The following FBRSL1 variants were observed in gnomAD, a reference collection of about 807,000 sequenced individuals.
The protein encoded by FBRSL1 is fibrosin like 1.
In FBRSL1, 51 loss-of-function variants were observed where a neutral mutation model predicts 89.6. That is an observed-to-expected ratio of 0.57 (90% CI 0.45 to 0.72). The LOEUF (loss-of-function observed/expected upper bound fraction) is 0.72. Ranked by LOEUF, FBRSL1 falls within the 30% of genes least tolerant of loss-of-function variation. FBRSL1 has a pLI of 0.00. For synonymous variants in FBRSL1, 779 were observed against 681.1 expected (o/e 1.14, Z -2.24); for missense variants, 1,618 against 1,451.8 (o/e 1.11, Z -1.86).
At chr12:132,573,321 C>G (rs1305570391) in intron 11 of FBRSL1, among the ~76,000 whole-genome samples, 1 of 152,202 alleles carries the variant, frequency 6.6e-6, no homozygotes. Flanking sequence ...CTGAAGGGCC[C>G]AGCACGCACC....
intron 5 of FBRSL1, among the ~76,000 whole-genome samples, chr12:132,556,983 G>A (rs1007505387): frequency 1.3e-5 from 2 of 152,204 alleles, no homozygotes; most frequent in African/African-American, 4.8e-5. Flanking sequence ...TGGCCCCAGC[G>A]CTCGGCTAAC....
intron 4 of FBRSL1, among the ~76,000 whole-genome samples, chr12:132,547,159 ACAGT>A (rs1353613795): frequency 1.3e-5 from 2 of 151,480 alleles, no homozygotes; most frequent in Admixed American, 6.6e-5. Flanking sequence ...CGGAGAACGG[ACAGT>A]CAGTGTGTTC....
At chr12:132,567,774 G>A (rs543004566) in intron 6 of FBRSL1, among the ~76,000 whole-genome samples, 252 of 152,282 alleles carry the variant, frequency 1.7e-3, no homozygotes, top group African/African-American at 5.8e-3. Context: ...GAGTGGAACC[G>A]TTAGGAATGT....
chr12:132,497,452 C>A (rs900893810), intron 1 of FBRSL1, among the ~76,000 whole-genome samples: 3 of 152,094 alleles, frequency 2.0e-5, no homozygotes, highest in Non-Finnish European at 4.4e-5. Flanking sequence ...ACGGGAGGAG[C>A]CCAGCCCACC....
chr12:132,549,112 C>T (rs1037749898), intron 5 of FBRSL1, among the ~76,000 whole-genome samples: 4 of 152,096 alleles, frequency 2.6e-5, no homozygotes, highest in African/African-American at 4.8e-5. Context: ...GTTCAGTTTT[C>T]GACGTACCAA....
chr12:132,575,043 G>C (rs2040291715), intron 14 of FBRSL1, among the ~76,000 whole-genome samples: 1 of 152,062 alleles, frequency 6.6e-6, no homozygotes, highest in Non-Finnish European at 1.5e-5. Flanking sequence ...CACCAGGCTA[G>C]GAGCTGCGGG....
intron 1 of FBRSL1, chr12:132,507,201 G>A (rs563750912): frequency 2.0e-6 from 2 of 985,616 alleles, no homozygotes; most frequent in African/African-American, 1.7e-5. Flanking sequence ...CTTGGCAGCA[G>A]CTCTGACATG....
At chr12:132,528,013 C>T in intron 4 of FBRSL1, 25 bp downstream of exon 4, 1 of 1,550,376 alleles carries the variant, frequency 6.5e-7, no homozygotes, top group Non-Finnish European at 8.7e-7. Context: ...ACCCCTCCTC[C>T]ATCTTTGTCC....
At chr12:132,559,536 C>T (rs2038936534) in intron 5 of FBRSL1, among the ~76,000 whole-genome samples, 1 of 152,002 alleles carries the variant, frequency 6.6e-6, no homozygotes, top group Admixed American at 6.6e-5. Context: ...GGGCCACAGG[C>T]GCGTGCCGCC....
At chr12:132,544,158 G>A (rs1167141298) in intron 4 of FBRSL1, among the ~76,000 whole-genome samples, 1 of 152,188 alleles carries the variant, frequency 6.6e-6, no homozygotes, top group Non-Finnish European at 1.5e-5. Context: ...TGGTCTAGGG[G>A]CCCCGAGCCT....
intron 9 of FBRSL1, chr12:132,572,060 C>A (rs2040058053): frequency 3.5e-6 from 2 of 567,500 alleles, no homozygotes; most frequent in East Asian, 2.9e-5. Context: ...CGAGTTCCCA[C>A]CCCATGCAAG....
intron 5 of FBRSL1, among the ~76,000 whole-genome samples, chr12:132,549,613 G>A (rs932936044): frequency 3.3e-5 from 5 of 152,322 alleles, no homozygotes; most frequent in Admixed American, 1.3e-4. Flanking sequence ...CGGGAGCCTG[G>A]GGCCTACTGG....
rs2033892008 is a variant in FBRSL1 at position 132,508,003 on chromosome 12, C to T, written c.292-150C>T. On this transcript the variant is annotated intron_variant, in intron 1 of 18. Transcript: ENST00000680143. Reference sequence around the variant, plus strand: ...TGCCATCGTCCTTCCCCTCCCATCCCCCGTCCCACAGCAGCCATCTTCCTT... The same window carrying T: ...TGCCATCGTCCTTCCCCTCCCATCCTCCGTCCCACAGCAGCCATCTTCCTT... The T allele has an allele frequency of 1.1e-5, 8 of 758,002 alleles. No individual in the cohort carries two copies. In the South Asian group the frequency reaches 1.3e-4, roughly 12 times the overall value. The allele number at this position is 758,002 out of a possible 1,614,324, so 47.0% of individuals were successfully genotyped here. A position where few individuals can be genotyped will look rare whatever the true frequency, so the allele number is the denominator to read the frequency against.
chr12:132,522,491 G>A lies in FBRSL1; in HGVS notation c.490-3243G>A, dbSNP rs552203220. Among the ~76,000 whole-genome samples, 8 of 152,322 alleles carry A rather than the reference G, an allele frequency of 5.3e-5. No individual in the cohort carries two copies. The South Asian group carries it at 1.0e-3, about 20-fold the overall frequency. On this transcript the variant is annotated intron_variant, in intron 2 of 18. Transcript: ENST00000680143. ...CTGGTCCCACCAGCGGCTGGTCTGC[G>A]GCTGCCCAGTGGAGTGCAGCTTGTA...
chr12:132,574,702 T>G, intron 14 of FBRSL1, 138 bp downstream of exon 14: 1 of 1,124,846 alleles, frequency 8.9e-7, no homozygotes, highest in Non-Finnish European at 1.2e-6. Context: ...CGCCTGCCCC[T>G]TCCTCTGGGT....
chr12:132,509,839 G>A (rs1401233004), intron 2 of FBRSL1: 11 of 1,231,764 alleles, frequency 8.9e-6, no homozygotes, highest in African/African-American at 4.7e-5. Context: ...CAGCCCCCGC[G>A]GCCACTCCTC....
intron 5 of FBRSL1, among the ~76,000 whole-genome samples, chr12:132,549,193 C>T (rs1187685334): frequency 6.6e-6 from 1 of 152,208 alleles, no homozygotes; most frequent in African/African-American, 2.4e-5. Context: ...GGGGCAGGCG[C>T]CGTGTGGGCC....
At chr12:132,531,522 C>T (rs998613896) in intron 4 of FBRSL1, among the ~76,000 whole-genome samples, 2 of 151,430 alleles carry the variant, frequency 1.3e-5, no homozygotes, top group Non-Finnish European at 2.9e-5. Flanking sequence ...AACAGTGTCA[C>T]GGGTTCCTCT....
intron 2 of FBRSL1, among the ~76,000 whole-genome samples, chr12:132,517,928 G>A (rs1165145829): frequency 6.6e-6 from 1 of 152,106 alleles, no homozygotes; most frequent in African/African-American, 2.4e-5. Flanking sequence ...TGGACAGGGC[G>A]CCAACTGAGC....
Sources: allele counts gnomAD v4.1 joint callset (sites outside exome capture counted in the v4.1 genomes callset), GRCh38; gene constraint gnomAD v4.1.1; transcripts MANE v1.5; gene names NCBI Gene and HGNC (gene_info 2026-07-23, HGNC 2026-07-21).